PRMT3: variants seen among roughly 807,000 people sequenced by gnomAD.
PRMT3 encodes protein arginine methyltransferase 3.
Under a neutral mutation model 71.9 loss-of-function variants are expected in PRMT3, and 62 were observed. The observed-to-expected ratio is 0.86, with a 90% CI of 0.70 to 1.07. The LOEUF (loss-of-function observed/expected upper bound fraction) is 1.07. Ranked by LOEUF, PRMT3 falls within the 50% of genes least tolerant of loss-of-function variation. The pLI is 0.00. For synonymous variants in PRMT3, 213 were observed against 220.4 expected (o/e 0.97, Z 0.30); for missense variants, 663 against 643.0 (o/e 1.03, Z -0.34).
intron 13 of PRMT3, among the ~76,000 whole-genome samples, chr11:20,486,177 G>A (rs1344952546): frequency 2.0e-5 from 3 of 152,202 alleles, no homozygotes; most frequent in African/African-American, 7.2e-5. Flanking sequence ...GACTGGGCAA[G>A]AAGAGAATGG....
chr11:20,482,627 C>T (rs1042061432), intron 13 of PRMT3, among the ~76,000 whole-genome samples: 1 of 151,928 alleles, frequency 6.6e-6, no homozygotes, highest in African/African-American at 2.4e-5. Flanking sequence ...TTTGATTCAG[C>T]CGGTTACCCA....
rs139867501 is a variant in PRMT3, at chr11:20,399,128, A to C, written c.705+1407A>C. Among the ~76,000 whole-genome samples, 737 of 152,350 alleles carry C rather than the reference A, an allele frequency of 4.8e-3. 26 individuals are homozygous for C. Among genetic ancestry groups the C allele is most frequent in the Admixed American group, 0.043 (657 of 15,298 alleles). Reference sequence around the variant, plus strand: ...TGAAAGTTTTAGATGTTTATCTCTGAATTTTAGATGCCACCATTACCTGTT... The same window carrying C: ...TGAAAGTTTTAGATGTTTATCTCTGCATTTTAGATGCCACCATTACCTGTT... On this transcript the variant is annotated intron_variant, in intron 7 of 15. Coordinates refer to ENST00000331079, the MANE Select transcript of PRMT3 (RefSeq NM_005788.4).
chr11:20,464,327 A>G, intron 12 of PRMT3, 133 bp from the exon 13 acceptor site: 3 of 1,297,280 alleles, frequency 2.3e-6, no homozygotes, highest in Admixed American at 6.4e-5. Flanking sequence ...AAAGTTTGCA[A>G]AACTTTGGTT....
intron 9 of PRMT3, among the ~76,000 whole-genome samples, chr11:20,422,231 A>C (rs879277903): frequency 5.9e-5 from 9 of 152,150 alleles, no homozygotes; most frequent in Admixed American, 1.3e-4. Context: ...AAATGTTGAG[A>C]GTTTATGCCA....
rs181821455 is a variant in PRMT3 at position 20,408,155 on chromosome 11, A to G, written c.893+123A>G. The G allele has an allele frequency of 3.7e-3, 2,180 of 593,276 alleles. 4 individuals carry two copies. The highest frequency in any genetic ancestry group is 4.9e-3 in the Non-Finnish European group (1,903 of 389,160). 36.8% of individuals were successfully genotyped at this position (593,276 alleles called of 1,614,324 possible). A position where few individuals can be genotyped will look rare whatever the true frequency, so the allele number is the denominator to read the frequency against. Reference sequence around the variant, plus strand: ...GACATTTGTCTTTTAGTAAAAATTCACTCCAGAATAATAAGATTTTAAGTT... The same window carrying G: ...GACATTTGTCTTTTAGTAAAAATTCGCTCCAGAATAATAAGATTTTAAGTT... On this transcript the variant is annotated intron_variant, in intron 9 of 15. Coordinates refer to ENST00000331079, the MANE Select transcript of PRMT3 (RefSeq NM_005788.4).
Position 20,495,133 on chromosome 11 carries a change from A to G in PRMT3, c.1486+879A>G, listed in dbSNP as rs558741447. 3.3e-5 allele frequency among the ~76,000 whole-genome samples: 5 copies of G among 152,068 alleles called. No individual in the cohort carries two copies. The East Asian group carries it at 7.7e-4, about 24-fold the overall frequency. Reference sequence around the variant, plus strand: ...AACCTCCACCTCCTGGGTTCAAGCAATTCTCCTGCCTCAGTCTCCCAAGTA... The same window carrying G: ...AACCTCCACCTCCTGGGTTCAAGCAGTTCTCCTGCCTCAGTCTCCCAAGTA... On this transcript the variant is annotated intron_variant, in intron 15 of 15. Coordinates refer to ENST00000331079, the MANE Select transcript of PRMT3 (RefSeq NM_005788.4).
In PRMT3 at chr11:20,461,981, C is replaced by A; in HGVS notation, c.1074C>A (p.Val358=). The change falls in exon 12 of 16, where the codon GTC becomes GTA. Residue 358 remains valine, a splice_region_variant and synonymous_variant. Transcript: ENST00000331079. ...KNKYLAKGGS[V]YPDICTISLV... is the part of the protein sequence containing the mutation. ...TGTTGGGCATTTTGTTTGTTACAGT[C>A]TACCCTGACATTTGCACTATCAGCC... is the stretch of plus-strand genomic sequence containing the variant. 3 of 1,546,696 alleles carry A rather than the reference C, an allele frequency of 1.9e-6. No homozygotes were observed. Among genetic ancestry groups the A allele is most frequent in the South Asian group, 1.3e-5 (1 of 78,312 alleles).
intron 12 of PRMT3, 117 bp downstream of exon 12, chr11:20,462,284 G>A (rs1228709713): frequency 5.7e-5 from 46 of 808,584 alleles, no homozygotes; most frequent in Non-Finnish European, 7.5e-5. Flanking sequence ...TTTTCCCATT[G>A]TAATCAGTCT....
intron 9 of PRMT3, among the ~76,000 whole-genome samples, chr11:20,417,218 A>G (rs1333086282): frequency 6.6e-6 from 1 of 152,122 alleles, no homozygotes; most frequent in African/African-American, 2.4e-5. Flanking sequence ...ATCTCCATGC[A>G]TTTATCAGTG....
intron 9 of PRMT3, among the ~76,000 whole-genome samples, chr11:20,416,162 C>G (rs1849300098): frequency 6.6e-6 from 1 of 152,134 alleles, no homozygotes; most frequent in Non-Finnish European, 1.5e-5. Flanking sequence ...TTTGTCTTTG[C>G]CTCCCACCAC....
At chr11:20,420,310 A>G (rs1413022528) in intron 9 of PRMT3, among the ~76,000 whole-genome samples, 1 of 152,264 alleles carries the variant, frequency 6.6e-6, no homozygotes, top group Non-Finnish European at 1.5e-5. Flanking sequence ...GATAAAATTT[A>G]GTATCCATTC....
chr11:20,480,568 G>A (rs1208992851), intron 13 of PRMT3, among the ~76,000 whole-genome samples: 7 of 152,074 alleles, frequency 4.6e-5, no homozygotes, highest in Admixed American at 4.6e-4. Context: ...GTGATCAGAA[G>A]GGCCCTTTAG....
At chr11:20,486,330 T>A (rs1168502131) in intron 13 of PRMT3, among the ~76,000 whole-genome samples, 1 of 152,158 alleles carries the variant, frequency 6.6e-6, no homozygotes, top group Non-Finnish European at 1.5e-5. Flanking sequence ...TACCTCAGTT[T>A]AAATGAGGGA....
intron 13 of PRMT3, among the ~76,000 whole-genome samples, chr11:20,492,789 T>C (rs1428375401): frequency 2.6e-5 from 4 of 152,216 alleles, no homozygotes. Flanking sequence ...CTGGGTGCAG[T>C]GGCTCACACC....
At chr11:20,494,344 A>G (rs1354651593) in intron 15 of PRMT3, 90 bp downstream of exon 15, 6 of 1,144,446 alleles carry the variant, frequency 5.2e-6, no homozygotes, top group East Asian at 2.4e-5. Flanking sequence ...TGTGCACACT[A>G]TATTTGTTTT....
chr11:20,446,470 G>T (rs1850032407), intron 10 of PRMT3, among the ~76,000 whole-genome samples: 1 of 151,828 alleles, frequency 6.6e-6, no homozygotes, highest in African/African-American at 2.4e-5. Context: ...GTTTTTATGA[G>T]CAGAGGTTCT....
intron 13 of PRMT3, among the ~76,000 whole-genome samples, chr11:20,466,895 GAA>G (rs144721240): frequency 0.037 from 5,566 of 152,180 alleles, 301 homozygotes; most frequent in African/African-American, 0.12. Flanking sequence ...AGTTCCATAA[GAA>G]AAATGAATTA....
At chr11:20,494,580 C>T (rs949741790) in intron 15 of PRMT3, among the ~76,000 whole-genome samples, 2 of 152,128 alleles carry the variant, frequency 1.3e-5, no homozygotes, top group Non-Finnish European at 2.9e-5. Context: ...CTGCCTCGGC[C>T]CCCCCAAAGT....
chr11:20,419,754 C>G (rs997970360), intron 9 of PRMT3, among the ~76,000 whole-genome samples: 3 of 152,082 alleles, frequency 2.0e-5, no homozygotes, highest in Admixed American at 6.5e-5. Flanking sequence ...TCATTTTTAT[C>G]AAGAATCAAG....
Sources: gnomAD v4.1 joint callset for allele counts (sites outside exome capture counted in the v4.1 genomes callset) on GRCh38, gnomAD v4.1.1 for gene constraint, MANE v1.5 for transcripts, NCBI Gene and HGNC (gene_info 2026-07-23, HGNC 2026-07-21) for gene names.